The following LIX1 variants were observed in gnomAD, a reference collection of about 807,000 sequenced individuals.
LIX1 encodes the protein limb and CNS expressed 1.
Under a neutral mutation model 33.4 loss-of-function variants are expected in LIX1, and 24 were observed. The observed-to-expected ratio is 0.72, with a 90% CI of 0.52 to 1.01. LIX1 has a LOEUF of 1.01. LIX1 is among the 50% of genes least tolerant of loss of function. The pLI is 0.00. For missense variants in LIX1, 311 were observed against 339.2 expected (o/e 0.92, Z 0.65); for synonymous variants, 124 against 124.0 (o/e 1.00, Z 0.00).
intron 2 of LIX1, among the ~76,000 whole-genome samples, chr5:97,120,089 T>G (rs1052205823): frequency 6.6e-6 from 1 of 152,162 alleles, no homozygotes; most frequent in African/African-American, 2.4e-5. Context: ...ATAAGATATT[T>G]TTAATCAATA....
intron 1 of LIX1, among the ~76,000 whole-genome samples, chr5:97,134,114 G>T (rs1201395334): frequency 2.0e-5 from 3 of 152,136 alleles, no homozygotes; most frequent in African/African-American, 7.2e-5. Context: ...CTTTCAAGAT[G>T]ATTACCATAT....
At chr5:97,099,529 A>AT (rs1343723348) in intron 4 of LIX1, among the ~76,000 whole-genome samples, 3 of 152,218 alleles carry the variant, frequency 2.0e-5, no homozygotes, top group African/African-American at 7.2e-5. Flanking sequence ...GTGTATGTCC[A>AT]TTTTTAGAAA....
Position 97,107,131 on chromosome 5 carries a change from A to G in LIX1, c.387+229T>C, listed in dbSNP as rs116832505. Among the ~76,000 whole-genome samples, 1,432 of 152,362 alleles carry G rather than the reference A, an allele frequency of 9.4e-3. 28 individuals carry two copies. The highest frequency in any genetic ancestry group is 0.033 in the African/African-American group (1,369 of 41,576). ...TGGATCCAATGATCTACCTTGATTTAAAACATGATTAATTGTGATCAGAGA... is the reference window on the plus strand; with the variant it reads ...TGGATCCAATGATCTACCTTGATTTGAAACATGATTAATTGTGATCAGAGA... On this transcript the variant is annotated intron_variant, in intron 3 of 5. Transcript: ENST00000274382.
chr5:97,093,703 A>C lies in LIX1; in HGVS notation c.*1045T>G, dbSNP rs1746193152. 1.3e-5 allele frequency: 2 copies of C among 151,572 alleles called. No individual in the cohort carries two copies. The highest frequency in any genetic ancestry group is 4.2e-4 in the South Asian group (2 of 4,800). The allele number at this position is 151,572 out of a possible 1,614,324, so 9.4% of individuals were successfully genotyped here. ...ACCCATATGGATGAGTTAAATAGAG[A>C]TGGCAATGTCTTATCCTTCCTTTAA... On this transcript the variant is annotated 3_prime_UTR_variant, in exon 6 of 6. Transcript: ENST00000274382.
At chr5:97,126,393 G>C (rs1017255095) in intron 1 of LIX1, among the ~76,000 whole-genome samples, 1 of 152,180 alleles carries the variant, frequency 6.6e-6, no homozygotes, top group African/African-American at 2.4e-5. Context: ...TCACTGATCA[G>C]CTTCATGGTG....
intron 2 of LIX1, among the ~76,000 whole-genome samples, chr5:97,123,293 C>T (rs1032170498): frequency 3.3e-5 from 5 of 152,194 alleles, no homozygotes; most frequent in South Asian, 2.1e-4. Context: ...TAGGGGAGGG[C>T]GATTGCTGTT....
chr5:97,138,428 T>C (rs562691802), intron 1 of LIX1, among the ~76,000 whole-genome samples: 1 of 152,378 alleles, frequency 6.6e-6, no homozygotes, highest in African/African-American at 2.4e-5. Flanking sequence ...AAAGCTGCAG[T>C]GTTCCCTAAC....
chr5:97,137,845 G>A (rs1174947678), intron 1 of LIX1, among the ~76,000 whole-genome samples: 1 of 152,130 alleles, frequency 6.6e-6, no homozygotes, highest in East Asian at 1.9e-4. Flanking sequence ...TCTGTGAAAT[G>A]TGAAAACTAT....
chr5:97,100,286 G>A (rs1273265050), intron 4 of LIX1, among the ~76,000 whole-genome samples: 1 of 152,140 alleles, frequency 6.6e-6, no homozygotes, highest in Admixed American at 6.5e-5. Context: ...CCAGGATGAA[G>A]GTCAACCTCC....
chr5:97,128,699 C>T (rs1278701516), intron 1 of LIX1, among the ~76,000 whole-genome samples: 1 of 152,168 alleles, frequency 6.6e-6, no homozygotes, highest in Non-Finnish European at 1.5e-5. Context: ...TACCTAGTTA[C>T]CTAAATCAGA....
rs532889223 is a variant in LIX1 at position 97,121,808 on chromosome 5, G to A, written c.246+2658C>T. On this transcript the variant is annotated intron_variant, in intron 2 of 5. Transcript: ENST00000274382. The stretch of plus-strand genomic sequence containing the variant: ...TTCATTGACATAGATGGACAAACAA[G>A]TACATTAGTTTAGATGGCTGACAAA... Among the ~76,000 whole-genome samples the A allele has an allele frequency of 2.6e-5, 4 of 152,314 alleles. No homozygotes were observed. In the South Asian group the frequency reaches 6.2e-4, roughly 24 times the overall value.
intron 4 of LIX1, among the ~76,000 whole-genome samples, chr5:97,098,268 C>CA (rs1403749420): frequency 6.6e-6 from 1 of 152,134 alleles, no homozygotes; most frequent in East Asian, 1.9e-4. Flanking sequence ...CCATGGTTTC[C>CA]AAATCCAAGA....
At chr5:97,126,702 C>T (rs556255718) in intron 1 of LIX1, among the ~76,000 whole-genome samples, 56 of 146,036 alleles carry the variant, frequency 3.8e-4, no homozygotes, top group Middle Eastern at 3.6e-3. Flanking sequence ...TGCAGTGGCA[C>T]GATCTCGGCT....
At chr5:97,129,183 A>G (rs193020781) in intron 1 of LIX1, among the ~76,000 whole-genome samples, 70 of 152,126 alleles carry the variant, frequency 4.6e-4, no homozygotes, top group African/African-American at 1.5e-3. Context: ...TCCACTGTCT[A>G]TTGTCTTCTT....
At chr5:97,105,536 A>G (rs570050816) in intron 3 of LIX1, among the ~76,000 whole-genome samples, 1 of 152,330 alleles carries the variant, frequency 6.6e-6, no homozygotes, top group East Asian at 1.9e-4. Context: ...ACGATTGCAC[A>G]GGGTTTTGGT....
Position 97,119,296 on chromosome 5 carries a change from T to C in LIX1, c.246+5170A>G, listed in dbSNP as rs562019843. 6.6e-5 allele frequency among the ~76,000 whole-genome samples: 10 copies of C among 152,286 alleles called. No individual in the cohort carries two copies. In the East Asian group the frequency reaches 1.9e-3, roughly 29 times the overall value. On this transcript the variant is annotated intron_variant, in intron 2 of 5. Coordinates refer to ENST00000274382, the MANE Select transcript of LIX1 (RefSeq NM_153234.5). ...TGAAATGATTTGTAATGCACAGGGG[T>C]GACATTTGATTATGTGAAAGGCATT...
intron 2 of LIX1, 117 bp downstream of exon 2, chr5:97,124,349 A>G: frequency 1.2e-6 from 1 of 819,314 alleles, no homozygotes; most frequent in Non-Finnish European, 1.8e-6. Context: ...TTCATAGGAT[A>G]TGGTACAACT....
At chr5:97,113,855 A>AT (rs1191299680) in intron 2 of LIX1, among the ~76,000 whole-genome samples, 1 of 152,210 alleles carries the variant, frequency 6.6e-6, no homozygotes, top group Admixed American at 6.5e-5. Flanking sequence ...ATCTCCTCCC[A>AT]TGACAAACTT....
chr5:97,137,465 C>T (rs995812066), intron 1 of LIX1, among the ~76,000 whole-genome samples: 11 of 149,850 alleles, frequency 7.3e-5, no homozygotes, highest in African/African-American at 2.7e-4. Flanking sequence ...TGTATATTTA[C>T]TGAAAAAAAA....
Sources: gnomAD v4.1 joint callset for allele counts (sites outside exome capture counted in the v4.1 genomes callset) on GRCh38, gnomAD v4.1.1 for gene constraint, MANE v1.5 for transcripts, NCBI Gene and HGNC (gene_info 2026-07-23, HGNC 2026-07-21) for gene names.